Variants in SASH1 observed in about 807,000 individuals in gnomAD.
SASH1 encodes the protein SAM and SH3 domain-containing protein 1.
Under a neutral mutation model 125.2 loss-of-function variants are expected in SASH1, and 44 were observed. The ratio of observed to expected loss-of-function variants is 0.35; its 90% confidence interval spans 0.28 to 0.45. SASH1 has a LOEUF of 0.45. SASH1 is among the 20% of genes least tolerant of loss of function. The pLI, the probability that SASH1 is intolerant of heterozygous loss-of-function variation, is 1.00. For missense variants in SASH1, 1,426 were observed against 1,614.5 expected (o/e 0.88, Z 2.00); for synonymous variants, 639 against 649.1 (o/e 0.98, Z 0.24).
chr6:148,217,034 T>C, the SASH1 span, among the ~76,000 whole-genome samples: 1 of 152,110 alleles, frequency 6.6e-6, no homozygotes, highest in African/African-American at 2.4e-5. Context: ...GCCTAATGTC[T>C]CTCATCTCTA....
chr6:148,325,140 G>A (rs1780761019), intron 1 of SASH1, among the ~76,000 whole-genome samples: 1 of 152,200 alleles, frequency 6.6e-6, no homozygotes, highest in Non-Finnish European at 1.5e-5. Flanking sequence ...CTGGCTCACA[G>A]TTCTGCATGG....
At chr6:148,444,421 C>T (rs1439791177) in intron 4 of SASH1, among the ~76,000 whole-genome samples, 1 of 152,114 alleles carries the variant, frequency 6.6e-6, no homozygotes, top group Non-Finnish European at 1.5e-5. Flanking sequence ...ATTGTGGATG[C>T]CCCTGCCAAG....
At chr6:148,323,626 A>G (rs1209757850) in intron 1 of SASH1, among the ~76,000 whole-genome samples, 1 of 152,202 alleles carries the variant, frequency 6.6e-6, no homozygotes, top group Admixed American at 6.5e-5. Flanking sequence ...AAGCAATTAC[A>G]AAGAAGTAGG....
At chr6:148,421,179 AAG>A (rs754830656) in intron 2 of SASH1, among the ~76,000 whole-genome samples, 1 of 146,660 alleles carries the variant, frequency 6.8e-6, no homozygotes, top group East Asian at 2.0e-4. Flanking sequence ...GAAAGAAAGA[AAG>A]AAAGAAAGAA....
chr6:148,402,078 G>GT (rs11451144), intron 2 of SASH1, among the ~76,000 whole-genome samples: 3,419 of 152,216 alleles, frequency 0.022, 124 homozygotes, highest in African/African-American at 0.075. Flanking sequence ...CTTAAGGAAA[G>GT]TTTTACTATT....
At chr6:148,316,521 G>A (rs1780483908) in intron 1 of SASH1, among the ~76,000 whole-genome samples, 2 of 152,180 alleles carry the variant, frequency 1.3e-5, no homozygotes, top group Admixed American at 1.3e-4. Flanking sequence ...CCCGCTTCAG[G>A]GCATCATGCC....
chr6:148,213,072 A>T, the SASH1 span, among the ~76,000 whole-genome samples: 2 of 152,288 alleles, frequency 1.3e-5, no homozygotes, highest in East Asian at 1.9e-4. Flanking sequence ...GGTTTTATTT[A>T]AAAAGAAACA....
intron 8 of SASH1, chr6:148,509,224 G>T: frequency 3.9e-6 from 1 of 255,740 alleles, no homozygotes; most frequent in Non-Finnish European, 7.7e-6. Flanking sequence ...ATATCTGATT[G>T]GCTTCCTTCT....
intron 1 of SASH1, chr6:148,278,849 C>T (rs1416933257): frequency 2.0e-5 from 3 of 152,054 alleles, no homozygotes; most frequent in Non-Finnish European, 4.4e-5. Context: ...GTTAGATATG[C>T]CCTTGGAGGA....
intron 8 of SASH1, among the ~76,000 whole-genome samples, chr6:148,511,211 G>C (rs1205214214): frequency 1.3e-5 from 2 of 152,000 alleles, no homozygotes; most frequent in Non-Finnish European, 1.5e-5. Context: ...GGACTCAGTA[G>C]GAAGTGAGAA....
chr6:148,282,629 C>T (rs1404443225), intron 1 of SASH1, among the ~76,000 whole-genome samples: 4 of 152,128 alleles, frequency 2.6e-5, no homozygotes, highest in Non-Finnish European at 5.9e-5. Flanking sequence ...ATCCCCCCGC[C>T]TCAGCCTCCC....
the SASH1 span, among the ~76,000 whole-genome samples, chr6:148,211,726 G>T: frequency 2.6e-5 from 4 of 152,188 alleles, no homozygotes; most frequent in African/African-American, 7.2e-5. Flanking sequence ...TGAAGCCCCT[G>T]TGTGTCTCAT....
At chr6:148,202,919 A>G in the SASH1 span, among the ~76,000 whole-genome samples, 2 of 152,058 alleles carry the variant, frequency 1.3e-5, no homozygotes, top group Non-Finnish European at 2.9e-5. Context: ...GTGCCATTAC[A>G]CTCCAGCCTA....
chr6:148,324,972 G>A (rs1442784231), intron 1 of SASH1, among the ~76,000 whole-genome samples: 2 of 152,292 alleles, frequency 1.3e-5, no homozygotes, highest in East Asian at 1.9e-4. Flanking sequence ...CCAGCCACGT[G>A]TGCACTGAGC....
chr6:148,471,629 A>T (rs1470919913), intron 6 of SASH1, 126 bp downstream of exon 6: 3 of 632,822 alleles, frequency 4.7e-6, no homozygotes, highest in Admixed American at 6.8e-5. Flanking sequence ...AAGATGTTCA[A>T]CTTTTCTGAC....
upstream of SASH1, among the ~76,000 whole-genome samples, chr6:148,341,317 G>GTTTTTTTTTTTT (rs1179914037): frequency 2.4e-4 from 29 of 120,214 alleles, no homozygotes; most frequent in African/African-American, 7.9e-4. Flanking sequence ...GCTATGTTTT[G>GTTTTTTTTTTTT]TTTTTTTTTT....
chr6:148,232,227 A>G, the SASH1 span, among the ~76,000 whole-genome samples: 1 of 152,170 alleles, frequency 6.6e-6, no homozygotes, highest in Non-Finnish European at 1.5e-5. Flanking sequence ...GTTACCAAAG[A>G]TGAGTTTGAG....
chr6:148,393,697 C>T (rs943572908), intron 2 of SASH1: 2 of 985,280 alleles, frequency 2.0e-6, no homozygotes, highest in Non-Finnish European at 2.4e-6. Context: ...TGTTCCAAAA[C>T]CGCAGAAGAC....
chr6:148,489,178 T>C (rs1335956499), intron 8 of SASH1, among the ~76,000 whole-genome samples: 1 of 152,216 alleles, frequency 6.6e-6, no homozygotes, highest in Non-Finnish European at 1.5e-5. Flanking sequence ...ACTTCATTCA[T>C]TTGCATGTGG....
Sources: allele counts gnomAD v4.1 joint callset (sites outside exome capture counted in the v4.1 genomes callset), GRCh38; gene constraint gnomAD v4.1.1; transcripts MANE v1.5; gene names NCBI Gene and HGNC (gene_info 2026-07-23, HGNC 2026-07-21).